OSBPL10: variants seen among roughly 807,000 people sequenced by gnomAD.
OSBPL10 encodes oxysterol binding protein like 10.
In OSBPL10, 49 loss-of-function variants were observed where a neutral mutation model predicts 81.7. The observed-to-expected ratio is 0.60, with a 90% CI of 0.48 to 0.76. The LOEUF (loss-of-function observed/expected upper bound fraction) is 0.76. OSBPL10 is among the 30% of genes least tolerant of loss of function. OSBPL10 has a pLI of 0.00. For synonymous variants in OSBPL10, 419 were observed against 383.6 expected, an observed-to-expected ratio of 1.09 and a Z score of -1.08; for missense variants, 923 against 987.8, an observed-to-expected ratio of 0.93 and a Z score of 0.88.
intron 8 of OSBPL10, among the ~76,000 whole-genome samples, chr3:31,681,540 G>A (rs552399405): frequency 1.3e-5 from 2 of 152,292 alleles, no homozygotes; most frequent in Admixed American, 6.5e-5. Flanking sequence ...GGTGACGAAT[G>A]ACCTCCATGA....
chr3:31,804,524 C>T (rs907870409), intron 4 of OSBPL10, among the ~76,000 whole-genome samples: 1 of 152,076 alleles, frequency 6.6e-6, no homozygotes. Flanking sequence ...GAAGGAGACC[C>T]GTATTAGGAC....
Position 31,847,891 on chromosome 3 carries a change from A to G in OSBPL10, c.538-17660T>C, listed in dbSNP as rs113368310. Among the ~76,000 whole-genome samples the G allele has an allele frequency of 3.6e-3, 547 of 152,208 alleles. 2 individuals carry two copies. Among genetic ancestry groups the G allele is most frequent in the Non-Finnish European group, 5.5e-3 (377 of 68,008 alleles). ...GCCCAGAAGCTGCAGCCAACCTGCA[A>G]GACCAGACACACAGCGGGGCTGCCT... On this transcript the variant is annotated intron_variant, in intron 3 of 11. Coordinates refer to ENST00000396556, the MANE Select transcript of OSBPL10 (RefSeq NM_017784.5).
intron 6 of OSBPL10, among the ~76,000 whole-genome samples, chr3:31,729,622 T>C (rs1306252770): frequency 1.3e-5 from 2 of 152,060 alleles, no homozygotes; most frequent in African/African-American, 2.4e-5. Flanking sequence ...GGTTTTACCA[T>C]GTTGGTCAGG....
chr3:31,807,014 G>T (rs896991643), intron 4 of OSBPL10, among the ~76,000 whole-genome samples: 1 of 152,168 alleles, frequency 6.6e-6, no homozygotes, highest in Non-Finnish European at 1.5e-5. Context: ...CAGGATTTAG[G>T]ATTTTACTAT....
At chr3:31,970,424 C>T (rs1479199756) in intron 1 of OSBPL10, among the ~76,000 whole-genome samples, 1 of 152,128 alleles carries the variant, frequency 6.6e-6, no homozygotes, top group Non-Finnish European at 1.5e-5. Flanking sequence ...GTCTATATTC[C>T]AACAGGAAAG....
chr3:31,750,901 G>C (rs1697695145), intron 4 of OSBPL10, among the ~76,000 whole-genome samples: 1 of 152,042 alleles, frequency 6.6e-6, no homozygotes, highest in South Asian at 2.1e-4. Context: ...ATAAACAGAA[G>C]ACATTATGAA....
At position 31,735,801 on chromosome 3, in the gene OSBPL10, T is replaced by C. The variant is rs532925226; in HGVS notation, c.941-2390A>G. Among the ~76,000 whole-genome samples, 41 of 152,206 alleles carry C rather than the reference T, an allele frequency of 2.7e-4. No individual in the cohort carries two copies. The Middle Eastern group carries it at 0.01, about 38-fold the overall frequency. Reference sequence around the variant, plus strand: ...CACCCCAAAGGCACTCTCTGTCATATTGCCATTTGCTGTCTTCCTGGGACT... The same window carrying C: ...CACCCCAAAGGCACTCTCTGTCATACTGCCATTTGCTGTCTTCCTGGGACT... On this transcript the variant is annotated intron_variant, in intron 5 of 11. Transcript: ENST00000396556.
intron 6 of OSBPL10, among the ~76,000 whole-genome samples, chr3:31,725,751 G>A (rs754744261): frequency 4.1e-4 from 62 of 152,282 alleles, no homozygotes; most frequent in Non-Finnish European, 7.2e-4. Context: ...TGGAACTCCC[G>A]GAAGCCACAG....
chr3:31,682,112 T>A, intron 8 of OSBPL10, among the ~76,000 whole-genome samples: 1 of 152,174 alleles, frequency 6.6e-6, no homozygotes, highest in South Asian at 2.1e-4. Flanking sequence ...ACTACTCCAC[T>A]ACATTTACTT....
At chr3:31,875,082 T>TAAAAAAAAAAAAAAAAAAAAAGAA (rs555527834) in intron 3 of OSBPL10, among the ~76,000 whole-genome samples, 1 of 103,078 alleles carries the variant, frequency 9.7e-6, no homozygotes, top group African/African-American at 3.7e-5. Context: ...ATATATTAAG[T>TAAAAAAAAAAAAAAAAAAAAAGAA]AAAAAAAAAA....
intron 1 of OSBPL10, among the ~76,000 whole-genome samples, chr3:31,899,982 T>C (rs955432020): frequency 2.0e-5 from 3 of 152,144 alleles, no homozygotes; most frequent in African/African-American, 7.2e-5. Context: ...TAAGCTGTTT[T>C]TAAAACTGCA....
intron 7 of OSBPL10, among the ~76,000 whole-genome samples, chr3:31,698,369 T>C (rs1164506764): frequency 1.3e-5 from 2 of 152,034 alleles, no homozygotes; most frequent in Admixed American, 1.3e-4. Flanking sequence ...GAGAATCACT[T>C]GAACCCAGGA....
intron 5 of OSBPL10, among the ~76,000 whole-genome samples, chr3:31,735,478 A>T (rs9817050): frequency 2.6e-4 from 40 of 152,294 alleles, no homozygotes; most frequent in African/African-American, 9.6e-4. Flanking sequence ...GTGGCTTATC[A>T]TTACAATTGG....
At position 31,975,501 on chromosome 3, in the gene OSBPL10, C is replaced by G. The variant is rs753107529; in HGVS notation, c.281+5398G>C. Among the ~76,000 whole-genome samples the G allele has an allele frequency of 6.6e-5, 10 of 152,222 alleles. No individual in the cohort carries two copies. In the South Asian group the frequency reaches 1.0e-3, roughly 16 times the overall value. ...AATGCTGGGGGCTAAACACTAAACA[C>G]TCAACGTATGTTGTTAATCCAGATA... is the stretch of plus-strand genomic sequence containing the variant. On this transcript the variant is annotated intron_variant, in intron 1 of 11. Transcript: ENST00000396556.
chr3:31,982,651 A>AC (rs1698873978), upstream of OSBPL10, among the ~76,000 whole-genome samples: 1 of 71,520 alleles, frequency 1.4e-5, no homozygotes, highest in African/African-American at 4.8e-5. Flanking sequence ...ACATAGTGTT[A>AC]AAAAAAAAAA....
chr3:31,827,632 T>C (rs984069742), intron 4 of OSBPL10, among the ~76,000 whole-genome samples: 2 of 148,016 alleles, frequency 1.4e-5, no homozygotes, highest in African/African-American at 2.5e-5. Flanking sequence ...TGAGACTCTG[T>C]CTCAAAAAAA....
intron 2 of OSBPL10, among the ~76,000 whole-genome samples, chr3:32,012,769 CAAAA>C (rs1042666514): frequency 6.6e-6 from 1 of 151,512 alleles, no homozygotes; most frequent in East Asian, 1.9e-4. Flanking sequence ...AAATGGAAAA[CAAAA>C]AAAGGCAGGG....
At position 31,821,976 on chromosome 3, in the gene OSBPL10, T is replaced by C. The variant is rs57922496; in HGVS notation, c.729+8064A>G. Among the ~76,000 whole-genome samples, 969 of 152,356 alleles carry C rather than the reference T, an allele frequency of 6.4e-3. 12 individuals are homozygous for C. Among genetic ancestry groups the C allele is most frequent in the African/African-American group, 0.022 (909 of 41,580 alleles). On this transcript the variant is annotated intron_variant, in intron 4 of 11. Coordinates refer to ENST00000396556, the MANE Select transcript of OSBPL10 (RefSeq NM_017784.5). The stretch of plus-strand genomic sequence containing the variant: ...ACCAAATCATCCTGAAAGGAGAGAA[T>C]ACTGAGTTAATATCCATTTATAAAG...
At chr3:32,042,387 A>C (rs1225398735) in intron 2 of OSBPL10, among the ~76,000 whole-genome samples, 5 of 152,212 alleles carry the variant, frequency 3.3e-5, no homozygotes, top group Non-Finnish European at 7.3e-5. Context: ...CAGCAGTGGT[A>C]GTGAAACAAT....
Sources: allele counts gnomAD v4.1 joint callset (sites outside exome capture counted in the v4.1 genomes callset), GRCh38; gene constraint gnomAD v4.1.1; transcripts MANE v1.5; gene names NCBI Gene and HGNC (gene_info 2026-07-23, HGNC 2026-07-21).